Variants in USP47 observed in about 807,000 individuals in gnomAD.
USP47 encodes ubiquitin carboxyl-terminal hydrolase 47.
USP47 carries 35 observed loss-of-function variants against 165.1 expected under a neutral mutation model. The ratio of observed to expected loss-of-function variants is 0.21; its 90% CI spans 0.16 to 0.28. The LOEUF (loss-of-function observed/expected upper bound fraction) is 0.28, where lower values mean the gene tolerates loss of function less well. Among genes scored for constraint, USP47 ranks in the 10% least tolerant of loss-of-function variants. The pLI is 1.00. For synonymous variants in USP47, 531 were observed against 544.5 expected, an observed-to-expected ratio of 0.98 and a Z score of 0.35; for missense variants, 1,277 against 1,607.4, an observed-to-expected ratio of 0.79 and a Z score of 3.52.
intron 5 of USP47, among the ~76,000 whole-genome samples, chr11:11,901,497 C>T (rs940780649): frequency 1.3e-5 from 2 of 152,112 alleles, no homozygotes; most frequent in African/African-American, 4.8e-5. Context: ...ATCTTAAGTT[C>T]TTCAGTTGGG....
intron 1 of USP47, among the ~76,000 whole-genome samples, chr11:11,845,511 T>C (rs1848378122): frequency 6.6e-6 from 1 of 152,204 alleles, no homozygotes; most frequent in Admixed American, 6.5e-5. Flanking sequence ...TATTATGATC[T>C]GAAACTGTAA....
In USP47 at chr11:11,902,833, A is replaced by C; in HGVS notation, c.712A>C (p.Arg238=). 6.3e-7 allele frequency: 1 copy of C among 1,599,148 alleles called. No individual in the cohort carries two copies. The change falls in exon 6 of 28, where the codon AGG becomes CGG. Residue 238 remains arginine, a synonymous_variant. Transcript: ENST00000527733. ...KRAIETTDVT[R]SFGWDSSEAW... Reference sequence around the variant, plus strand: ...AGCAATTGAAACCACAGATGTTACAAGGAGCTTTGGATGGGATAGTAGTGA... The same window carrying C: ...AGCAATTGAAACCACAGATGTTACACGGAGCTTTGGATGGGATAGTAGTGA...
chr11:11,877,825 G>A (rs866794126), intron 1 of USP47, among the ~76,000 whole-genome samples: 1 of 69,038 alleles, frequency 1.4e-5, no homozygotes, highest in South Asian at 6.0e-4. Flanking sequence ...GTGTGTGTGT[G>A]TGTGTGTGTG....
At chr11:11,898,890 C>G (rs948138283) in intron 5 of USP47, among the ~76,000 whole-genome samples, 1 of 152,158 alleles carries the variant, frequency 6.6e-6, no homozygotes, top group African/African-American at 2.4e-5. Flanking sequence ...TTGTTTGTAT[C>G]AGATAGTGTT....
chr11:11,843,910 T>C (rs543858333), intron 1 of USP47, among the ~76,000 whole-genome samples: 51 of 152,332 alleles, frequency 3.3e-4, no homozygotes, highest in African/African-American at 1.1e-3. Flanking sequence ...CCCTTTCTTC[T>C]TTTTATGGAC....
intron 20 of USP47, 138 bp from the exon 21 acceptor site, chr11:11,947,807 T>G: frequency 1.4e-6 from 1 of 737,028 alleles, no homozygotes; most frequent in South Asian, 2.6e-5. Flanking sequence ...TTCAGTGTGG[T>G]ATATTAGCTA....
At chr11:11,948,252 G>A in intron 21 of USP47, 132 bp downstream of exon 21, 1 of 1,128,428 alleles carries the variant, frequency 8.9e-7, no homozygotes. Context: ...ATGGTAATTT[G>A]GGGGGTTTTT....
rs376705554 is a variant in USP47, at chr11:11,906,675, T to G, written c.969+1127T>G. Among the ~76,000 whole-genome samples the G allele has an allele frequency of 4.9e-4, 75 of 152,318 alleles. No homozygotes were observed. The South Asian group carries it at 8.9e-3, about 18-fold the overall frequency. On this transcript the variant is annotated intron_variant, in intron 8 of 27. Coordinates refer to ENST00000527733, the MANE Select transcript of USP47 (RefSeq NM_001282659.2). ...CTTCCTGAGTATATTTGAAAAGTTT[T>G]TTAGATGTTTAGTACTACTTTTTTA...
In USP47 at chr11:11,959,551, C is replaced by G. The variant is rs1847364140; in HGVS notation, c.*3376C>G. ...TGGAAGATGCTTCTTGATTGTAGTTCCCATGGGGAAGAGGGAGGCTGTGAT... is the reference window on the plus strand; with the variant it reads ...TGGAAGATGCTTCTTGATTGTAGTTGCCATGGGGAAGAGGGAGGCTGTGAT... On this transcript the variant is annotated 3_prime_UTR_variant, in exon 28 of 28. Transcript: ENST00000527733. 6.6e-6 allele frequency among the ~76,000 whole-genome samples: 1 copy of G among 152,102 alleles called. No homozygotes were observed. Among genetic ancestry groups the G allele is most frequent in the South Asian group, 2.1e-4 (1 of 4,826 alleles).
chr11:11,933,767 G>A (rs1416802079), intron 15 of USP47, 64 bp from the exon 16 acceptor site: 3 of 1,105,382 alleles, frequency 2.7e-6, no homozygotes, highest in Admixed American at 2.0e-5. Context: ...AGGAATAAAT[G>A]CTATCTACGG....
intron 4 of USP47, among the ~76,000 whole-genome samples, chr11:11,895,524 T>C (rs1157679592): frequency 1.3e-5 from 2 of 152,328 alleles, no homozygotes; most frequent in Non-Finnish European, 2.9e-5. Flanking sequence ...TATTAGAAAA[T>C]GCTCTCATGA....
intron 1 of USP47, among the ~76,000 whole-genome samples, chr11:11,866,883 T>TTTTTTAA (rs1156550312): frequency 6.7e-6 from 1 of 149,486 alleles, no homozygotes; most frequent in African/African-American, 2.5e-5. Context: ...CTGCATTTTT[T>TTTTTTAA]TTTTTAATTT....
intron 8 of USP47, among the ~76,000 whole-genome samples, chr11:11,917,237 G>C (rs1272022055): frequency 1.3e-5 from 2 of 152,102 alleles, no homozygotes; most frequent in African/African-American, 4.8e-5. Flanking sequence ...AGAAATTCAA[G>C]AAAGTACCAG....
chr11:11,948,012 T>C lies in USP47; in HGVS notation c.3159T>C (p.Val1053=). ...TCAAACAACATTTAGAGCCCTTTGT[T>C]GGAGTTTTGTCCTCTCACTTCAAGG... ...AAFKQHLEPF[V]GVLSSHFKVF... The change falls in exon 21 of 28, where the codon GTT becomes GTC. Residue 1053 remains valine (V), a synonymous_variant. Transcript: ENST00000527733. 1 of 1,613,914 alleles carries C rather than the reference T, an allele frequency of 6.2e-7. No individual in the cohort carries two copies. The highest frequency in any genetic ancestry group is 8.5e-7 in the Non-Finnish European group (1 of 1,179,898).
chr11:11,942,090 T>A (rs1393071622), intron 19 of USP47, among the ~76,000 whole-genome samples: 4 of 152,086 alleles, frequency 2.6e-5, no homozygotes. Context: ...ATAAACAAGA[T>A]GTTTGTGTGT....
intron 1 of USP47, among the ~76,000 whole-genome samples, chr11:11,852,420 G>C (rs542906785): frequency 6.6e-6 from 1 of 152,048 alleles, no homozygotes; most frequent in African/African-American, 2.4e-5. Context: ...TTGCCAGGGG[G>C]TGCTTTTTCT....
intron 1 of USP47, among the ~76,000 whole-genome samples, chr11:11,848,072 AG>A (rs1848523346): frequency 6.6e-6 from 1 of 152,266 alleles, no homozygotes; most frequent in Non-Finnish European, 1.5e-5. Context: ...TTTAACCAGT[AG>A]GAAAGTCCTT....
At chr11:11,856,676 A>G (rs933461334) in intron 1 of USP47, 1 of 152,142 alleles carries the variant, frequency 6.6e-6, no homozygotes, top group African/African-American at 2.4e-5. Flanking sequence ...TGGAAGGGAA[A>G]TTTGCAAGTG....
rs1256506821 is a variant in USP47, at chr11:11,942,352, C to T, written c.2331C>T (p.Ser777=). The change falls in exon 20 of 28, where the codon TCC becomes TCT. Residue 777 remains serine (S), a synonymous_variant. Transcript: ENST00000527733. ...CTATGTAGGTGTTTGTTGAAAGCTC[C>T]GAGACTTTGGATTACCAGATGGCCT... ...FRSNKVFVES[S]ETLDYQMAFA... is the part of the protein sequence containing the mutation. 7 of 1,599,644 alleles carry T rather than the reference C, an allele frequency of 4.4e-6. No individual in the cohort carries two copies. The highest frequency in any genetic ancestry group is 1.1e-5 in the South Asian group (1 of 89,506).
Sources: allele counts gnomAD v4.1 joint callset (sites outside exome capture counted in the v4.1 genomes callset), GRCh38; gene constraint gnomAD v4.1.1; transcripts MANE v1.5; gene names NCBI Gene and HGNC (gene_info 2026-07-23, HGNC 2026-07-21).